NUBPL: variants seen among roughly 807,000 people sequenced by gnomAD.
NUBPL encodes NUBP iron-sulfur cluster assembly factor, mitochondrial, also known as iron-sulfur cluster transfer protein NUBPL.
A neutral mutation model predicts 45.7 loss-of-function variants in NUBPL; 31 were observed. That is an observed-to-expected ratio of 0.68 (90% CI 0.51 to 0.92). The LOEUF is 0.92. NUBPL is among the 40% of genes least tolerant of loss of function. NUBPL has a pLI of 0.00. For missense variants in NUBPL, 401 were observed against 398.7 expected (o/e 1.01, Z -0.05); for synonymous variants, 144 against 140.9 (o/e 1.02, Z -0.15).
At chr14:31,850,330 G>C in intron 10 of NUBPL, 129 bp downstream of exon 10, 1 of 755,150 alleles carries the variant, frequency 1.3e-6, no homozygotes, top group South Asian at 1.5e-5. Context: ...TATTTAACTT[G>C]TCCAAAGCAT....
Position 31,846,483 on chromosome 14 carries a change from G to A in NUBPL, c.706G>A (p.Val236Ile). ...RRVHVPVLGL[V>I]QNMSVFQCPK... ...GTTTTTATTCTAGGTCCTTGGCCTT[G>A]TCCAAAACATGAGTGTTTTCCAGTG... The change falls in exon 9 of 11, where the codon GTC becomes ATC. Residue 236 changes from valine (V) to isoleucine (I), a missense_variant. By Grantham distance (29) the Val-to-Ile change is conservative. Coordinates refer to ENST00000281081, the MANE Select transcript of NUBPL (RefSeq NM_025152.3). 1.9e-6 allele frequency: 3 copies of A among 1,611,886 alleles called. No homozygotes were observed. Among genetic ancestry groups the A allele is most frequent in the Non-Finnish European group, 2.5e-6 (3 of 1,178,772 alleles).
In NUBPL at chr14:31,596,029, C is replaced by A. The variant is rs562050531; in HGVS notation, c.292-3260C>A. ...TCATGCCATTCTCCTGCCTCAGCCTCCCGAGTAGCTGGGACCACAGGTGCC... is the reference window on the plus strand; with the variant it reads ...TCATGCCATTCTCCTGCCTCAGCCTACCGAGTAGCTGGGACCACAGGTGCC... On this transcript the variant is annotated intron_variant, in intron 3 of 10. Transcript: ENST00000281081. Among the ~76,000 whole-genome samples the A allele has an allele frequency of 3.2e-4, 49 of 151,934 alleles. 1 individual carries two copies. In the South Asian group the frequency reaches 9.6e-3, roughly 30 times the overall value.
intron 3 of NUBPL, 65 bp downstream of exon 3, chr14:31,565,113 A>G (rs1290331156): frequency 7.3e-6 from 7 of 961,510 alleles, no homozygotes; most frequent in Non-Finnish European, 1.1e-5. Context: ...TAAAGAGCAT[A>G]TTGGTGTTTT....
intron 4 of NUBPL, among the ~76,000 whole-genome samples, chr14:31,631,831 T>C (rs2035353334): frequency 6.6e-6 from 1 of 150,982 alleles, no homozygotes; most frequent in Non-Finnish European, 1.5e-5. Context: ...GCGGGCAACC[T>C]GAATTACTTA....
chr14:31,735,327 CA>C (rs2038141261), intron 6 of NUBPL, among the ~76,000 whole-genome samples: 2 of 152,112 alleles, frequency 1.3e-5, no homozygotes, highest in African/African-American at 2.4e-5. Flanking sequence ...CTGCTTCAAA[CA>C]GTAGAAAAAT....
At chr14:31,826,022 G>A (rs1358036300) in intron 7 of NUBPL, among the ~76,000 whole-genome samples, 1 of 151,880 alleles carries the variant, frequency 6.6e-6, no homozygotes, top group African/African-American at 2.4e-5. Flanking sequence ...AGCCTAGCTT[G>A]TGCATCTGTA....
intron 3 of NUBPL, among the ~76,000 whole-genome samples, chr14:31,594,113 T>G (rs912360405): frequency 6.6e-6 from 1 of 151,870 alleles, no homozygotes; most frequent in Admixed American, 6.6e-5. Context: ...AAAAATAGAG[T>G]CTTTAATTTG....
chr14:31,834,371 G>A (rs1329840507), intron 8 of NUBPL, among the ~76,000 whole-genome samples: 2 of 151,844 alleles, frequency 1.3e-5, no homozygotes, highest in African/African-American at 2.4e-5. Flanking sequence ...AGTAGAGACG[G>A]GGTTTCACCG....
At chr14:31,596,014 C>G (rs1358663458) in intron 3 of NUBPL, among the ~76,000 whole-genome samples, 1 of 151,166 alleles carries the variant, frequency 6.6e-6, no homozygotes, top group African/African-American at 2.4e-5. Flanking sequence ...TCATGCCATT[C>G]TCCTGCCTCA....
chr14:31,638,706 C>T (rs1595410767), intron 4 of NUBPL, among the ~76,000 whole-genome samples: 1 of 152,168 alleles, frequency 6.6e-6, no homozygotes, highest in African/African-American at 2.4e-5. Flanking sequence ...TTCCATTCTC[C>T]CTGTCACTTT....
At position 31,709,047 on chromosome 14, in the gene NUBPL, C is replaced by G. The variant is rs141319557; in HGVS notation, c.513+35473C>G. On this transcript the variant is annotated intron_variant, in intron 6 of 10. Transcript: ENST00000281081. ...ACTAAGGCTGCGGTCTTTCTCTGAT[C>G]TTGCTTTTCCTTTTGGGCCTGTTCC... Among the ~76,000 whole-genome samples, 1,391 of 152,274 alleles carry G rather than the reference C, an allele frequency of 9.1e-3. 11 individuals carry two copies. Among genetic ancestry groups the G allele is most frequent in the Middle Eastern group, 0.02 (6 of 294 alleles).
chr14:31,641,993 T>A (rs565363817), intron 4 of NUBPL, among the ~76,000 whole-genome samples: 1 of 152,250 alleles, frequency 6.6e-6, no homozygotes, highest in East Asian at 1.9e-4. Flanking sequence ...TTGAGAAACA[T>A]CTATTCAAAT....
intron 4 of NUBPL, among the ~76,000 whole-genome samples, chr14:31,643,898 C>A (rs1223071684): frequency 1.3e-5 from 2 of 151,788 alleles, no homozygotes; most frequent in East Asian, 3.9e-4. Context: ...GCAATTTATC[C>A]GTTTCTTGTA....
chr14:31,699,620 T>C (rs1325740795), intron 6 of NUBPL, among the ~76,000 whole-genome samples: 2 of 152,210 alleles, frequency 1.3e-5, no homozygotes, highest in East Asian at 3.8e-4. Flanking sequence ...ACACTCTTTT[T>C]AATGTCATCC....
intron 7 of NUBPL, among the ~76,000 whole-genome samples, chr14:31,820,139 C>CA (rs59044182): frequency 0.57 from 62,967 of 110,114 alleles, 16,292 homozygotes; most frequent in East Asian, 0.7. Context: ...GACTCCATCT[C>CA]AAAAAAAAAA....
intron 6 of NUBPL, among the ~76,000 whole-genome samples, chr14:31,697,095 C>A (rs1194037743): frequency 2.6e-5 from 4 of 152,208 alleles, no homozygotes; most frequent in Admixed American, 6.5e-5. Flanking sequence ...ATAAACTTTT[C>A]TCATTTCCTT....
At chr14:31,826,849 G>A (rs945098628) in intron 8 of NUBPL, 135 bp downstream of exon 8, 3 of 809,928 alleles carry the variant, frequency 3.7e-6, no homozygotes, top group Non-Finnish European at 6.2e-6. Context: ...TATCATTTTG[G>A]TGACTTTAAA....
intron 4 of NUBPL, among the ~76,000 whole-genome samples, chr14:31,645,913 A>G (rs972866212): frequency 6.6e-6 from 1 of 151,918 alleles, no homozygotes; most frequent in Non-Finnish European, 1.5e-5. Flanking sequence ...AGTGGACTAC[A>G]TACCATAATT....
intron 4 of NUBPL, among the ~76,000 whole-genome samples, chr14:31,668,922 C>G (rs2036504243): frequency 6.6e-6 from 1 of 152,202 alleles, no homozygotes; most frequent in Non-Finnish European, 1.5e-5. Context: ...GTTGGAAATG[C>G]AGAAATATCC....
Sources: allele counts gnomAD v4.1 joint callset (sites outside exome capture counted in the v4.1 genomes callset), GRCh38; gene constraint gnomAD v4.1.1; transcripts MANE v1.5; gene names NCBI Gene and HGNC (gene_info 2026-07-23, HGNC 2026-07-21).